Variants in RBFOX1 observed in about 807,000 individuals in gnomAD.
RBFOX1 encodes RNA binding fox-1 homolog 1, also known as RNA binding protein fox-1 homolog 1.
In RBFOX1, 8 loss-of-function variants were observed where a neutral mutation model predicts 57.7. The observed-to-expected ratio is 0.14, with a 90% confidence interval of 0.08 to 0.25. The LOEUF (loss-of-function observed/expected upper bound fraction) is 0.25. RBFOX1 is among the 10% of genes least tolerant of loss of function. The probability of loss-of-function intolerance (pLI) is 1.00; values close to 1 mark genes in which losing one functional copy is unlikely to be tolerated. For synonymous variants in RBFOX1, 326 were observed against 222.4 expected, an observed-to-expected ratio of 1.47 and a Z score of -4.15; for missense variants, 611 against 548.5, an observed-to-expected ratio of 1.11 and a Z score of -1.14.
At chr16:6,940,753 A>G (rs1047293011) in intron 3 of RBFOX1, among the ~76,000 whole-genome samples, 2 of 137,628 alleles carry the variant, frequency 1.5e-5, no homozygotes, top group African/African-American at 2.7e-5. Flanking sequence ...GCCCGCCACC[A>G]TGTCCCGCTA....
At chr16:6,064,790 T>C (rs2095738117) in intron 1 of RBFOX1, among the ~76,000 whole-genome samples, 1 of 152,054 alleles carries the variant, frequency 6.6e-6, no homozygotes, top group African/African-American at 2.4e-5. Flanking sequence ...CTTTTGTGTG[T>C]ATGCTTTTGA....
chr16:5,756,182 T>C (rs1487075650), intron 3 of RBFOX1, among the ~76,000 whole-genome samples: 2 of 149,068 alleles, frequency 1.3e-5, no homozygotes, highest in Non-Finnish European at 1.5e-5. Context: ...GTGGGTATTA[T>C]TTGATTTCTG....
intron 3 of RBFOX1, among the ~76,000 whole-genome samples, chr16:6,961,804 T>C (rs1414979993): frequency 6.6e-6 from 1 of 152,162 alleles, no homozygotes; most frequent in Non-Finnish European, 1.5e-5. Flanking sequence ...TGCTAATGCG[T>C]TATAATTAAT....
chr16:7,645,378 G>A (rs2063554399), intron 11 of RBFOX1, among the ~76,000 whole-genome samples: 1 of 152,166 alleles, frequency 6.6e-6, no homozygotes, highest in Non-Finnish European at 1.5e-5. Flanking sequence ...CCACCAAGCA[G>A]CAGGCTGAGG....
chr16:7,708,456 A>T (rs750932902), intron 14 of RBFOX1, among the ~76,000 whole-genome samples: 1 of 152,076 alleles, frequency 6.6e-6, no homozygotes, highest in Non-Finnish European at 1.5e-5. Flanking sequence ...TTAATGTGAC[A>T]GAAGTTCTGG....
chr16:7,303,634 C>T (rs1270490573), intron 4 of RBFOX1, among the ~76,000 whole-genome samples: 2 of 152,116 alleles, frequency 1.3e-5, no homozygotes, highest in Admixed American at 1.3e-4. Context: ...GAAAAAAAAT[C>T]TTTCCCCTGG....
intron 3 of RBFOX1, among the ~76,000 whole-genome samples, chr16:5,750,148 C>T (rs1442577252): frequency 6.6e-6 from 1 of 152,178 alleles, no homozygotes; most frequent in Non-Finnish European, 1.5e-5. Context: ...CCCTGTTTGC[C>T]TGGGTATCAG....
intron 2 of RBFOX1, among the ~76,000 whole-genome samples, chr16:6,403,370 C>CT (rs1425013038): frequency 3.3e-5 from 5 of 151,312 alleles, no homozygotes; most frequent in South Asian, 2.1e-4. Context: ...TTATCAGAGA[C>CT]TTTTTTTTTA....
At chr16:6,679,829 A>G (rs150040901) in intron 3 of RBFOX1, among the ~76,000 whole-genome samples, 2,275 of 150,584 alleles carry the variant, frequency 0.015, 60 homozygotes, top group African/African-American at 0.053. Flanking sequence ...ATGCAGAGAA[A>G]GGCTAAACAA....
chr16:7,464,170 C>G (rs1212994022), intron 4 of RBFOX1, among the ~76,000 whole-genome samples: 1 of 152,104 alleles, frequency 6.6e-6, no homozygotes, highest in Non-Finnish European at 1.5e-5. Context: ...CATTATTCAC[C>G]CATTACAGAC....
chr16:7,263,847 C>A (rs1049475412), intron 4 of RBFOX1, among the ~76,000 whole-genome samples: 14 of 150,938 alleles, frequency 9.3e-5, no homozygotes, highest in Admixed American at 9.3e-4. Flanking sequence ...TTGTGGTGAG[C>A]TGAGATTGCA....
intron 3 of RBFOX1, among the ~76,000 whole-genome samples, chr16:6,734,343 T>C (rs1401862444): frequency 2.0e-5 from 3 of 152,186 alleles, no homozygotes; most frequent in Non-Finnish European, 2.9e-5. Context: ...CTGGGCTCAG[T>C]TTTGAATTCA....
At chr16:6,732,735 G>A (rs17141167) in intron 3 of RBFOX1, among the ~76,000 whole-genome samples, 1 of 152,182 alleles carries the variant, frequency 6.6e-6, no homozygotes, top group African/African-American at 2.4e-5. Context: ...TGCCATGGGA[G>A]AACTAGCACA....
chr16:7,550,244 C>G (rs1482267506), intron 5 of RBFOX1, among the ~76,000 whole-genome samples: 1 of 100,336 alleles, frequency 1.0e-5, no homozygotes, highest in Non-Finnish European at 2.1e-5. Context: ...GTGAGTTCCT[C>G]CAGAGTCTTT....
At chr16:6,337,932 C>T (rs2084000500) in intron 2 of RBFOX1, among the ~76,000 whole-genome samples, 1 of 152,164 alleles carries the variant, frequency 6.6e-6, no homozygotes, top group Non-Finnish European at 1.5e-5. Context: ...AGTCCCAATG[C>T]ATGCCAAATC....
At chr16:5,339,806 G>A (rs570451962) in intron 1 of RBFOX1, among the ~76,000 whole-genome samples, 42 of 152,166 alleles carry the variant, frequency 2.8e-4, no homozygotes, top group African/African-American at 9.6e-4. Flanking sequence ...AGACTGAAGT[G>A]CAGCCAAGGA....
At chr16:6,757,767 A>G (rs2076029890) in intron 3 of RBFOX1, among the ~76,000 whole-genome samples, 1 of 152,178 alleles carries the variant, frequency 6.6e-6, no homozygotes, top group Non-Finnish European at 1.5e-5. Flanking sequence ...AATTTATTGT[A>G]CATTTCAAAG....
At chr16:5,263,464 G>A (rs375752879) in intron 1 of RBFOX1, among the ~76,000 whole-genome samples, 2 of 152,128 alleles carry the variant, frequency 1.3e-5, no homozygotes, top group African/African-American at 4.8e-5. Context: ...GGATAATCAA[G>A]GTTTTTCTTG....
intron 2 of RBFOX1, among the ~76,000 whole-genome samples, chr16:6,536,708 T>C (rs1263354819): frequency 6.6e-6 from 1 of 152,150 alleles, no homozygotes; most frequent in Non-Finnish European, 1.5e-5. Context: ...GTAGGTGTCT[T>C]AGACCCAACA....
Sources: gnomAD v4.1 joint callset for allele counts (sites outside exome capture counted in the v4.1 genomes callset) on GRCh38, gnomAD v4.1.1 for gene constraint, MANE v1.5 for transcripts, NCBI Gene and HGNC (gene_info 2026-07-23, HGNC 2026-07-21) for gene names.